MAX: variants seen among roughly 807,000 people sequenced by gnomAD.
MAX encodes MYC associated transcriptional regulator X.
Under a neutral mutation model 22.3 loss-of-function variants are expected in MAX, and 3 were observed. The ratio of observed to expected loss-of-function variants is 0.13; its 90% CI spans 0.06 to 0.35. The LOEUF is 0.35. MAX is among the 10% of genes least tolerant of loss of function. The pLI is 1.00. For missense variants in MAX, 119 were observed against 209.4 expected (o/e 0.57, Z 2.66); for synonymous variants, 72 against 77.7 (o/e 0.93, Z 0.39).
Position 65,083,007 on chromosome 14 carries a change from T to A in MAX, c.172-4971A>T, listed in dbSNP as rs58692925. Among the ~76,000 whole-genome samples, 1,033 of 152,292 alleles carry A rather than the reference T, an allele frequency of 6.8e-3. 7 individuals are homozygous for A. The highest frequency in any genetic ancestry group is 0.024 in the African/African-American group (984 of 41,554). ...CAGCTTCCCACAGTACACTGCTGGC[T>A]TCATTACCTCTTGGCAGCCCAGAAG... On this transcript the variant is annotated intron_variant, in intron 3 of 4. Transcript: ENST00000358664.
At position 65,009,686 on chromosome 14, in the gene MAX, CT is replaced by C. The variant is rs1487607277; in HGVS notation, c.172-3403del. ...TTTGCATTTCTAATGTGGAATTTCT[CT>C]GCTTACTGCCTTGTACTTTTGATCC... On this transcript the variant is annotated intron_variant, in intron 3 of 3. Coordinates refer to the MAX transcript ENST00000341653. This position sits in a 1 kb window ranked among gnomAD's most constrained non-coding sequence, Gnocchi z 4.2. Among the ~76,000 whole-genome samples, 4 of 152,152 alleles carry C rather than the reference CT, an allele frequency of 2.6e-5. No individual in the cohort carries two copies. The highest frequency in any genetic ancestry group is 5.9e-5 in the Non-Finnish European group (4 of 68,022).
intron 3 of MAX, among the ~76,000 whole-genome samples, chr14:65,052,479 T>C (rs1256120818): frequency 6.6e-6 from 1 of 152,242 alleles, no homozygotes; most frequent in African/African-American, 2.4e-5. Context: ...TATATATTTT[T>C]AATCGATTTC....
In MAX at chr14:65,037,402, C is replaced by CTTTT. The variant is rs765037575; in HGVS notation, c.172-31119_172-31118insAAAA. ...ATAGGCGTGAGCCACCACGCCGGGC[C>CTTTT]CTTTTTTTTTTTTTTTTTTTTTTTT... is the stretch of plus-strand genomic sequence containing the variant. On this transcript the variant is annotated intron_variant, in intron 3 of 3. Transcript: ENST00000341653. 1.3e-3 allele frequency among the ~76,000 whole-genome samples: 19 copies of CTTTT among 14,526 alleles called. 1 individual carries two copies. Among genetic ancestry groups the CTTTT allele is most frequent in the Non-Finnish European group, 2.2e-3 (16 of 7,196 alleles). The allele number at this position is 14,526 out of a possible 152,430, so 9.5% of individuals were successfully genotyped here.
At chr14:65,071,597 G>A (rs2062988589), downstream of MAX, among the ~76,000 whole-genome samples, 1 of 152,214 alleles carries the variant, frequency 6.6e-6, no homozygotes, top group Non-Finnish European at 1.5e-5. The surrounding 1 kb of genome is among the most constrained non-coding windows in gnomAD (Gnocchi z 4.2). Context: ...AATGGCACTT[G>A]GTGCTATTAT....
chr14:65,102,459 A>C lies in MAX; in HGVS notation c.-120T>G, dbSNP rs1050148717. On this transcript the variant is annotated 5_prime_UTR_variant, in exon 1 of 5. Coordinates refer to ENST00000358664, the MANE Select transcript of MAX (RefSeq NM_002382.5). ...CCCCCACACACACACTCACTCACTCACTCACTCGCTCTCTCACTCACACAC... is the reference window on the plus strand; with the variant it reads ...CCCCCACACACACACTCACTCACTCCCTCACTCGCTCTCTCACTCACACAC... 160 of 1,531,952 alleles carry C rather than the reference A, an allele frequency of 1.0e-4. No individual in the cohort carries two copies. The African/African-American group carries it at 2.1e-3, about 20-fold the overall frequency. The allele number at this position is 1,531,952 out of a possible 1,614,324, so 94.9% of individuals were successfully genotyped here.
At chr14:65,096,727 A>C (rs1264925600) in intron 2 of MAX, among the ~76,000 whole-genome samples, 3 of 152,308 alleles carry the variant, frequency 2.0e-5, no homozygotes, top group East Asian at 1.9e-4. Flanking sequence ...AACAAGCCCA[A>C]ACAATTGTCT....
At chr14:65,066,934 G>C (rs2062936944) in intron 3 of MAX, among the ~76,000 whole-genome samples, 1 of 150,670 alleles carries the variant, frequency 6.6e-6, no homozygotes, top group African/African-American at 2.4e-5. Context: ...CCAACACTTT[G>C]GGAGGCCAAG....
chr14:65,060,161 C>T (rs2062829778), intron 3 of MAX, among the ~76,000 whole-genome samples: 1 of 151,722 alleles, frequency 6.6e-6, no homozygotes, highest in Non-Finnish European at 1.5e-5. Context: ...AATGTAAATA[C>T]ATGTTTATTG....
intron 3 of MAX, among the ~76,000 whole-genome samples, chr14:65,065,834 C>T (rs2062926102): frequency 6.6e-6 from 1 of 152,216 alleles, no homozygotes; most frequent in Non-Finnish European, 1.5e-5. Context: ...TCTACCGCCT[C>T]TCATTTGATC....
chr14:65,033,245 CA>C (rs368760792), intron 3 of MAX, among the ~76,000 whole-genome samples: 3 of 152,060 alleles, frequency 2.0e-5, no homozygotes, highest in African/African-American at 7.2e-5. Context: ...GAAAAAAATA[CA>C]AAAAAACCAT....
chr14:65,077,370 A>AG lies in MAX; in HGVS notation c.295+542dup. 1 of 1,613,278 alleles carries AG rather than the reference A, an allele frequency of 6.2e-7. No homozygotes were observed. The highest frequency in any genetic ancestry group is 8.5e-7 in the Non-Finnish European group (1 of 1,179,246). ...TTTCCTTTTACTTGCATCTTCCATG[A>AG]GGGAGGAAGAGAAGTGAATTCCCCA... On this transcript the variant is annotated intron_variant, in intron 4 of 4. Transcript: ENST00000358664. This position sits in a 1 kb window ranked among gnomAD's most constrained non-coding sequence, Gnocchi z 6.3.
chr14:65,043,771 G>A (rs922386223), intron 3 of MAX, among the ~76,000 whole-genome samples: 42 of 136,508 alleles, frequency 3.1e-4, no homozygotes, highest in African/African-American at 1.2e-3. Flanking sequence ...GCAGTGAGCC[G>A]AGATTGCGCC....
Position 65,062,705 on chromosome 14 carries a change from A to T in MAX, c.171+31003T>A, listed in dbSNP as rs1278785889. Reference sequence around the variant, plus strand: ...AAGAAAATGCCCAATGGTAGGAGCTACTAAAGGTTGCTCAGGGATCGTCAG... The same window carrying T: ...AAGAAAATGCCCAATGGTAGGAGCTTCTAAAGGTTGCTCAGGGATCGTCAG... On this transcript the variant is annotated intron_variant, in intron 3 of 3. Transcript: ENST00000341653. This position sits in a 1 kb window ranked among gnomAD's most constrained non-coding sequence, Gnocchi z 4.3. 6.5e-6 allele frequency: 1 copy of T among 152,674 alleles called. No individual in the cohort carries two copies. The highest frequency in any genetic ancestry group is 1.5e-5 in the Non-Finnish European group (1 of 68,054). 9.5% of individuals were successfully genotyped at this position (152,674 alleles called of 1,614,324 possible). A position where few individuals can be genotyped will look rare whatever the true frequency, so the allele number is the denominator to read the frequency against.
chr14:65,030,415 TG>T lies in MAX; in HGVS notation c.172-24132del, dbSNP rs577768908. On this transcript the variant is annotated intron_variant, in intron 3 of 3. Coordinates refer to the MAX transcript ENST00000341653. The surrounding 1 kb of genome is among the most constrained non-coding windows in gnomAD (Gnocchi z 4.5). ...CTTCTTTGGAATACCTCAGTAAGTC[TG>T]ACTTCATGTTATATCTATACTGAGT... Among the ~76,000 whole-genome samples the T allele has an allele frequency of 1.2e-4, 18 of 152,318 alleles. No homozygotes were observed. In the East Asian group the frequency reaches 3.3e-3, roughly 28 times the overall value.
At chr14:65,101,994 C>T (rs1595189799) in intron 1 of MAX, among the ~76,000 whole-genome samples, 1 of 152,218 alleles carries the variant, frequency 6.6e-6, no homozygotes, top group Admixed American at 6.5e-5. Flanking sequence ...CCCGGGCGCC[C>T]CCCATCCTTG....
chr14:65,019,936 G>A (rs1371134687), intron 3 of MAX, among the ~76,000 whole-genome samples: 1 of 151,984 alleles, frequency 6.6e-6, no homozygotes, highest in East Asian at 1.9e-4. Flanking sequence ...TCTTGCACAG[G>A]GAAATGAAAT....
rs2061693277 is a variant in MAX, at chr14:65,012,150, G to A, written c.172-5866C>T. On this transcript the variant is annotated intron_variant, in intron 3 of 3. Transcript: ENST00000341653. This position sits in a 1 kb window ranked among gnomAD's most constrained non-coding sequence, Gnocchi z 5.0. ...ATTCAGACAAGAGCTTCTTTTCTCT[G>A]GTTTAGTTGCTCTTTGGAACCAGAG... The A allele has an allele frequency of 2.9e-6, 2 of 694,988 alleles. No individual in the cohort carries two copies. The highest frequency in any genetic ancestry group is 4.8e-6 in the Non-Finnish European group (2 of 419,160). 43.1% of individuals were successfully genotyped at this position (694,988 alleles called of 1,614,324 possible).
chr14:65,013,635 C>T (rs1048238770), intron 3 of MAX, among the ~76,000 whole-genome samples: 2 of 152,148 alleles, frequency 1.3e-5, no homozygotes, highest in Non-Finnish European at 2.9e-5. Flanking sequence ...CTGCAACCTC[C>T]GCCTCAGGTT....
At position 65,012,450 on chromosome 14, in the gene MAX, C is replaced by T; in HGVS notation, c.172-6166G>A. ...TATCCACCAAATCCTCCTCCTTTTT[C>T]TATTTAAACGTAAAAGACTGTTGGG... On this transcript the variant is annotated intron_variant, in intron 3 of 3. Transcript: ENST00000341653. This position sits in a 1 kb window ranked among gnomAD's most constrained non-coding sequence, Gnocchi z 5.0. The T allele has an allele frequency of 6.2e-7, 1 of 1,605,020 alleles. No homozygotes were observed. The highest frequency in any genetic ancestry group is 8.5e-7 in the Non-Finnish European group (1 of 1,173,392).
Sources: allele counts gnomAD v4.1 joint callset (sites outside exome capture counted in the v4.1 genomes callset), GRCh38; gene constraint gnomAD v4.1.1; non-coding constraint Gnocchi (gnomAD v3.1); transcripts MANE v1.5; gene names NCBI Gene and HGNC (gene_info 2026-07-23, HGNC 2026-07-21).